The following ZMAT1 variants were observed in gnomAD, a reference collection of about 807,000 sequenced individuals.
ZMAT1 encodes zinc finger matrin-type protein 1.
In ZMAT1, 11 loss-of-function variants were observed where a neutral mutation model predicts 18.5. The ratio of observed to expected loss-of-function variants is 0.59; its 90% CI spans 0.37 to 0.98. The LOEUF (loss-of-function observed/expected upper bound fraction) is 0.98, where lower values mean the gene tolerates loss of function less well. ZMAT1 is among the 50% of genes least tolerant of loss of function. ZMAT1 has a pLI of 0.01. For missense variants in ZMAT1, 525 were observed against 496.2 expected, an observed-to-expected ratio of 1.06 and a Z score of -0.55; for synonymous variants, 211 against 176.4, an observed-to-expected ratio of 1.20 and a Z score of -1.55.
chrX:101,907,548 A>C (rs1928696196), intron 1 of ZMAT1, among the ~76,000 whole-genome samples: 1 of 112,440 alleles, frequency 8.9e-6, no homozygotes. Context: ...ACCAAGAGAC[A>C]TAGCACCACC....
At chrX:101,895,144 G>A (rs905681051) in intron 4 of ZMAT1, among the ~76,000 whole-genome samples, 4 of 111,309 alleles carry the variant, frequency 3.6e-5, no homozygotes, top group African/African-American at 6.5e-5. Context: ...TGCGCCTGTC[G>A]GCTCTTGCAA....
At chrX:101,901,863 C>A (rs1928256096) in intron 2 of ZMAT1, among the ~76,000 whole-genome samples, 1 of 112,103 alleles carries the variant, frequency 8.9e-6, no homozygotes, top group Non-Finnish European at 1.9e-5. Flanking sequence ...TTCATTCATG[C>A]TATAATATTC....
intron 4 of ZMAT1, among the ~76,000 whole-genome samples, chrX:101,895,368 T>C (rs1378565291): frequency 9.0e-6 from 1 of 111,054 alleles, no homozygotes; most frequent in African/African-American, 3.3e-5. Flanking sequence ...ATTCCTATGT[T>C]TGATTCTAAA....
At chrX:101,922,679 A>T in intron 1 of ZMAT1, among the ~76,000 whole-genome samples, 1 of 110,324 alleles carries the variant, frequency 9.1e-6, no homozygotes, top group East Asian at 2.8e-4. Flanking sequence ...AGGCAAGGCT[A>T]ATCTTAAAAA....
intron 1 of ZMAT1, among the ~76,000 whole-genome samples, chrX:101,916,386 T>C (rs778252723): frequency 8.9e-6 from 1 of 111,774 alleles, no homozygotes; most frequent in South Asian, 3.7e-4. Context: ...ACTTGTATTC[T>C]GGAATTTAAA....
chrX:101,919,760 G>A (rs2147667828), intron 1 of ZMAT1, among the ~76,000 whole-genome samples: 1 of 111,423 alleles, frequency 9.0e-6, no homozygotes, highest in Non-Finnish European at 1.9e-5. Context: ...GTATTTCAGG[G>A]GAGGCAAGAG....
chrX:101,900,776 G>A (rs1928169522), intron 2 of ZMAT1, among the ~76,000 whole-genome samples: 1 of 111,614 alleles, frequency 9.0e-6, no homozygotes, highest in Non-Finnish European at 1.9e-5. Flanking sequence ...TCTTGCTTTG[G>A]CTATGTGGGC....
intron 2 of ZMAT1, among the ~76,000 whole-genome samples, chrX:101,902,381 T>A (rs1324294062): frequency 8.9e-6 from 1 of 112,220 alleles, no homozygotes; most frequent in Non-Finnish European, 1.9e-5. Context: ...ATGTGTGGCA[T>A]ATATTTTTAA....
chrX:101,904,031 A>G, intron 2 of ZMAT1, among the ~76,000 whole-genome samples, 193 bp downstream of exon 2: 1 of 111,800 alleles, frequency 8.9e-6, no homozygotes, highest in South Asian at 3.8e-4. Context: ...GACTGAGTTT[A>G]AATCTGAATT....
In ZMAT1 at chrX:101,886,529, T is replaced by C. The variant is rs1926959194; in HGVS notation, c.776+103A>G. The C allele has an allele frequency of 7.7e-6, 4 of 518,038 alleles. No homozygotes were observed. In the Admixed American group the frequency reaches 1.1e-4, roughly 14 times the overall value. 42.7% of individuals were successfully genotyped at this position (518,038 alleles called of 1,213,427 possible). On this transcript the variant is annotated intron_variant, in intron 5 of 5. Coordinates refer to ENST00000651725, the MANE Select transcript of ZMAT1 (RefSeq NM_001394560.1). ...GCCAACCATACCCAGGTTAAACCCA[T>C]AGGGACATGAATGCCTAAGAAGTTT...
In ZMAT1 at chrX:101,898,203, T is replaced by C; in HGVS notation, c.417A>G (p.Gln139=). 1 of 1,208,714 alleles carries C rather than the reference T, an allele frequency of 8.3e-7. No homozygotes were observed. ...ISHYEGEKHA[Q]NVSFYFQMHG... ...GCATTTGAAAATAAAAACTAACATT[T>C]TGAGCATGTTTTTCACCCTGAAAAA... Residue 139 remains glutamine (Q), a synonymous_variant, in exon 3 of 6, where the codon CAA becomes CAG. Transcript: ENST00000651725.
rs1394924030 is a variant in ZMAT1, at chrX:101,910,508, A to C, written c.293-6178T>G. On this transcript the variant is annotated intron_variant, in intron 1 of 5. Transcript: ENST00000651725. ...AGAATTCAAAGTAGCTGTGTTGAGG[A>C]AACTCAAAGAAATTCAAGATAACAG... Among the ~76,000 whole-genome samples, 3 of 112,727 alleles carry C rather than the reference A, an allele frequency of 2.7e-5. No homozygotes were observed. The Admixed American group carries it at 2.8e-4, about 11-fold the overall frequency.
chrX:101,904,381 G>A (rs374913242), intron 1 of ZMAT1, 51 bp from the exon 2 acceptor site: 4 of 942,904 alleles, frequency 4.2e-6, no homozygotes, highest in South Asian at 2.4e-5. Context: ...AATATTTAGA[G>A]GTATCATTTT....
At chrX:101,926,932 G>C (rs1385981966) in intron 1 of ZMAT1, among the ~76,000 whole-genome samples, 1 of 111,994 alleles carries the variant, frequency 8.9e-6, no homozygotes, top group Non-Finnish European at 1.9e-5. Flanking sequence ...CATTATAAAG[G>C]ATTCGTTGTA....
chrX:101,886,573 T>C lies in ZMAT1; in HGVS notation c.776+59A>G, dbSNP rs113122807. On this transcript the variant is annotated intron_variant, in intron 5 of 5. Coordinates refer to ENST00000651725, the MANE Select transcript of ZMAT1 (RefSeq NM_001394560.1). ...GAAGTTTGTAAAATACATCAAAGAGTGCTTGACTAGAAGCTCTGGTCTTTG... is the reference window on the plus strand; with the variant it reads ...GAAGTTTGTAAAATACATCAAAGAGCGCTTGACTAGAAGCTCTGGTCTTTG... 79 of 801,278 alleles carry C rather than the reference T, an allele frequency of 9.9e-5. 4 individuals are homozygous for C. The highest frequency in any genetic ancestry group is 5.8e-4 in the African/African-American group (28 of 47,994). The allele number at this position is 801,278 out of a possible 1,213,427, so 66.0% of individuals were successfully genotyped here. A position where few individuals can be genotyped will look rare whatever the true frequency, so the allele number is the denominator to read the frequency against.
At chrX:101,893,999 G>A (rs1927621536) in intron 4 of ZMAT1, among the ~76,000 whole-genome samples, 2 of 110,963 alleles carry the variant, frequency 1.8e-5, no homozygotes, top group South Asian at 7.7e-4. Flanking sequence ...TTTAGAAGAT[G>A]AAGGAATAAT....
intron 1 of ZMAT1, among the ~76,000 whole-genome samples, chrX:101,916,747 A>C (rs1018364626): frequency 8.9e-6 from 1 of 111,925 alleles, no homozygotes; most frequent in African/African-American, 3.3e-5. Context: ...AGTAAAAAGA[A>C]CAAAACTGGA....
At chrX:101,896,694 AAAG>A (rs765766433) in intron 4 of ZMAT1, among the ~76,000 whole-genome samples, 2 of 111,956 alleles carry the variant, frequency 1.8e-5, no homozygotes, top group Non-Finnish European at 3.8e-5. Flanking sequence ...TTGAAGCTAC[AAAG>A]AATGTGGTAA....
chrX:101,893,323 A>T lies in ZMAT1; in HGVS notation c.676+4545T>A, dbSNP rs181636260. ...AAGCCCCTTATTTCAGATACACTCA[A>T]CCTAGCAACAGGAAAAATACCTTAA... On this transcript the variant is annotated intron_variant, in intron 4 of 5. Coordinates refer to ENST00000651725, the MANE Select transcript of ZMAT1 (RefSeq NM_001394560.1). Among the ~76,000 whole-genome samples the T allele has an allele frequency of 2.7e-4, 30 of 111,661 alleles. No homozygotes were observed. The East Asian group carries it at 6.5e-3, about 24-fold the overall frequency.
Sources: allele counts gnomAD v4.1 joint callset (sites outside exome capture counted in the v4.1 genomes callset), GRCh38; gene constraint gnomAD v4.1.1; transcripts MANE v1.5; gene names NCBI Gene and HGNC (gene_info 2026-07-23, HGNC 2026-07-21).